IL34: variants seen among roughly 807,000 people sequenced by gnomAD.
IL34 encodes the protein interleukin 34, also known as interleukin-34.
In IL34, 17 loss-of-function variants were observed where a neutral mutation model predicts 25.3. That is an observed-to-expected ratio of 0.67 (90% CI 0.46 to 1.01). The LOEUF (loss-of-function observed/expected upper bound fraction) is 1.01, where lower values mean the gene tolerates loss of function less well. Ranked by LOEUF, IL34 falls within the 50% of genes least tolerant of loss-of-function variation. The pLI, the probability that IL34 is intolerant of heterozygous loss-of-function variation, is 0.00. For missense variants in IL34, 368 were observed against 312.9 expected (o/e 1.18, Z -1.33); for synonymous variants, 174 against 140.9 (o/e 1.23, Z -1.66).
At chr16:70,658,043 G>A (rs964861498) in intron 4 of IL34, among the ~76,000 whole-genome samples, 8 of 152,164 alleles carry the variant, frequency 5.3e-5, no homozygotes, top group Non-Finnish European at 1.2e-4. Context: ...CCGTGTGTGC[G>A]GTGGGACCTC....
At chr16:70,641,249 G>T (rs1358650638) in intron 1 of IL34, among the ~76,000 whole-genome samples, 1 of 149,604 alleles carries the variant, frequency 6.7e-6, no homozygotes, top group East Asian at 1.9e-4. Flanking sequence ...CTCCAGCTTG[G>T]GCAACAGAGC....
chr16:70,613,214 G>A (rs2051117303), intron 1 of IL34, among the ~76,000 whole-genome samples: 1 of 152,244 alleles, frequency 6.6e-6, no homozygotes, highest in Admixed American at 6.5e-5. Flanking sequence ...GAGGCTGGTG[G>A]TTTGAACTAA....
At chr16:70,624,943 G>T (rs544222459) in intron 1 of IL34, among the ~76,000 whole-genome samples, 1 of 152,000 alleles carries the variant, frequency 6.6e-6, no homozygotes, top group Non-Finnish European at 1.5e-5. Context: ...GATTTGGTAC[G>T]AGTTGCATTG....
intron 1 of IL34, among the ~76,000 whole-genome samples, chr16:70,621,375 TAAGAG>T (rs756549714): frequency 4.6e-5 from 7 of 152,174 alleles, no homozygotes; most frequent in East Asian, 1.9e-4. Context: ...GAATTGAAAT[TAAGAG>T]AAGGGAGAGA....
chr16:70,660,280 C>G lies in IL34; in HGVS notation c.*93C>G, dbSNP rs1431124568. On this transcript the variant is annotated 3_prime_UTR_variant, in exon 6 of 6. Coordinates refer to ENST00000288098, the MANE Select transcript of IL34 (RefSeq NM_001393494.1). The stretch of plus-strand genomic sequence containing the variant: ...AGACTTCAAGGGGTGGTGGTGGGAG[C>G]CCCCCTTGGGAGAGGACCCCTGGGA... 1.6e-6 allele frequency: 2 copies of G among 1,244,010 alleles called. No individual in the cohort carries two copies. Among genetic ancestry groups the G allele is most frequent in the South Asian group, 1.6e-5 (1 of 63,522 alleles). The allele number at this position is 1,244,010 out of a possible 1,614,324, so 77.1% of individuals were successfully genotyped here.
chr16:70,652,896 G>C (rs2052115844), intron 1 of IL34, among the ~76,000 whole-genome samples: 1 of 152,160 alleles, frequency 6.6e-6, no homozygotes, highest in South Asian at 2.1e-4. Flanking sequence ...AGTAGTAATT[G>C]TTAAAACGAA....
chr16:70,626,434 T>C (rs780102231), intron 1 of IL34, among the ~76,000 whole-genome samples: 13 of 152,234 alleles, frequency 8.5e-5, no homozygotes, highest in Admixed American at 2.0e-4. Context: ...TTTGCTTTTG[T>C]TGCCCAGGCT....
intron 1 of IL34, among the ~76,000 whole-genome samples, chr16:70,622,478 C>T (rs982815263): frequency 4.0e-5 from 6 of 151,492 alleles, no homozygotes; most frequent in Non-Finnish European, 7.4e-5. Context: ...GAGAGGCGGG[C>T]TAGTGGCTTG....
chr16:70,657,101 A>T lies in IL34; in HGVS notation c.382A>T (p.Asn128Tyr). The change falls in exon 4 of 6, where the codon AAT (asparagine) becomes TAT (tyrosine). Residue 128 changes from asparagine to tyrosine, a missense_variant. Asn to Tyr is a moderately radical substitution (Grantham distance 143). Transcript: ENST00000288098. ...GCAGGAGGTGGAGACGCTGCTGCTG[A>T]ATGTCCAGCAGGGCCTCACGGTGAG... The part of the protein sequence containing the change: ...YLQEVETLLL[N>Y]VQQGLTDVEV... 1 of 1,612,858 alleles carries T rather than the reference A, an allele frequency of 6.2e-7. No homozygotes were observed. The highest frequency in any genetic ancestry group is 8.5e-7 in the Non-Finnish European group (1 of 1,179,880).
At chr16:70,629,538 C>G (rs923981906) in intron 1 of IL34, among the ~76,000 whole-genome samples, 2 of 152,088 alleles carry the variant, frequency 1.3e-5, no homozygotes, top group African/African-American at 4.8e-5. Context: ...TACTTACACC[C>G]TCCTGTGTAA....
At chr16:70,616,123 C>T (rs1597748382) in intron 1 of IL34, among the ~76,000 whole-genome samples, 1 of 152,154 alleles carries the variant, frequency 6.6e-6, no homozygotes, top group Admixed American at 6.5e-5. Flanking sequence ...GCAGGTTATA[C>T]CATCTGCTAT....
At chr16:70,615,687 G>A (rs9928270) in intron 1 of IL34, among the ~76,000 whole-genome samples, 28,519 of 151,896 alleles carry the variant, frequency 0.19, 8,258 homozygotes, top group African/African-American at 0.62. Flanking sequence ...GCAGTGGCAC[G>A]TGCCTGTAAT....
chr16:70,645,139 G>A (rs557227147), upstream of IL34, among the ~76,000 whole-genome samples: 4 of 146,802 alleles, frequency 2.7e-5, no homozygotes, highest in Admixed American at 1.3e-4. Context: ...GGAGGAAGAC[G>A]AGGAAGGAGG....
intron 1 of IL34, among the ~76,000 whole-genome samples, chr16:70,603,295 T>C (rs563640447): frequency 1.3e-5 from 2 of 151,542 alleles, no homozygotes; most frequent in East Asian, 3.9e-4. Flanking sequence ...TATTATTTTT[T>C]TGAAATGGAG....
At chr16:70,601,574 A>T (rs954269155) in intron 1 of IL34, among the ~76,000 whole-genome samples, 2 of 151,832 alleles carry the variant, frequency 1.3e-5, no homozygotes, top group Non-Finnish European at 2.9e-5. Context: ...ATTTTTTTGT[A>T]TGTTTAGTAG....
At chr16:70,594,717 C>T (rs2050796093) in intron 1 of IL34, among the ~76,000 whole-genome samples, 1 of 152,108 alleles carries the variant, frequency 6.6e-6, no homozygotes, top group African/African-American at 2.4e-5. Context: ...AAGCAGAACA[C>T]ACTGGTCCTG....
At chr16:70,657,924 C>T (rs1437814855) in intron 4 of IL34, among the ~76,000 whole-genome samples, 1 of 152,160 alleles carries the variant, frequency 6.6e-6, no homozygotes, top group Non-Finnish European at 1.5e-5. Flanking sequence ...AAAAGAGGTC[C>T]CCCATCCCTG....
intron 1 of IL34, among the ~76,000 whole-genome samples, chr16:70,623,248 A>G (rs1387604064): frequency 6.6e-6 from 1 of 151,996 alleles, no homozygotes; most frequent in Non-Finnish European, 1.5e-5. Context: ...GGATGATGGG[A>G]GCAAAGGAAT....
upstream of IL34, among the ~76,000 whole-genome samples, chr16:70,643,116 G>A (rs2051825960): frequency 6.6e-6 from 1 of 152,134 alleles, no homozygotes. Flanking sequence ...AGGCTGGAGT[G>A]CAGTGGGACT....
Sources: allele counts gnomAD v4.1 joint callset (sites outside exome capture counted in the v4.1 genomes callset), GRCh38; gene constraint gnomAD v4.1.1; transcripts MANE v1.5; gene names NCBI Gene and HGNC (gene_info 2026-07-23, HGNC 2026-07-21).